The following PTK2 variants were observed in gnomAD, a reference collection of about 807,000 sequenced individuals.
The protein encoded by PTK2 is focal adhesion kinase 1.
PTK2 carries 45 observed loss-of-function variants against 150.1 expected under a neutral mutation model. The ratio of observed to expected loss-of-function variants is 0.30; its 90% CI spans 0.24 to 0.38. PTK2 has a LOEUF of 0.38. Among genes scored for constraint, PTK2 ranks in the 10% least tolerant of loss-of-function variants. The pLI is 1.00. For missense variants in PTK2, 919 were observed against 1,307.3 expected (o/e 0.70, Z 4.58); for synonymous variants, 432 against 449.2 (o/e 0.96, Z 0.48).
chr8:140,706,524 G>A (rs1401088622), intron 23 of PTK2, among the ~76,000 whole-genome samples: 1 of 152,172 alleles, frequency 6.6e-6, no homozygotes, highest in Non-Finnish European at 1.5e-5. Context: ...GTATATCTTG[G>A]GCAGGGCATG....
rs1425792666 is a variant in PTK2, at chr8:140,983,766, A to C, written c.-122+17359T>G. The C allele has an allele frequency of 2.0e-5, 3 of 152,260 alleles. No homozygotes were observed. In the East Asian group the frequency reaches 5.8e-4, roughly 29 times the overall value. The allele number at this position is 152,260 out of a possible 1,614,324, so 9.4% of individuals were successfully genotyped here. On this transcript the variant is annotated intron_variant, in intron 1 of 31. Transcript: ENST00000522684. ...GGAGGTGCAATTTTACAAACTGAGC[A>C]AAGATGCAGGGAAGACTCAGCACTT...
intron 2 of PTK2, among the ~76,000 whole-genome samples, chr8:140,911,194 T>C (rs1484975756): frequency 1.3e-5 from 2 of 152,152 alleles, no homozygotes; most frequent in South Asian, 4.1e-4. Flanking sequence ...CCCAGCACTT[T>C]CTTTTTTATT....
chr8:140,819,838 G>A (rs531193567), intron 8 of PTK2, among the ~76,000 whole-genome samples: 8 of 152,170 alleles, frequency 5.3e-5, no homozygotes, highest in African/African-American at 1.9e-4. Context: ...GCTTATTTGA[G>A]TTTTCTACTT....
intron 10 of PTK2, among the ~76,000 whole-genome samples, 180 bp downstream of exon 10, chr8:140,818,097 C>T (rs940740489): frequency 4.6e-5 from 7 of 152,152 alleles, no homozygotes; most frequent in Non-Finnish European, 7.3e-5. Context: ...TAAGTAATTC[C>T]GAGGTATTTC....
chr8:140,769,501 T>C (rs2100074348), intron 14 of PTK2, 74 bp downstream of exon 16: 1 of 1,080,634 alleles, frequency 9.3e-7, no homozygotes, highest in South Asian at 1.5e-5. Flanking sequence ...TGCCTTTCAT[T>C]AAATACTAAA....
intron 22 of PTK2, among the ~76,000 whole-genome samples, chr8:140,734,515 G>A (rs926008375): frequency 3.3e-5 from 5 of 152,058 alleles, no homozygotes; most frequent in East Asian, 1.9e-4. Flanking sequence ...ATGCACAAGC[G>A]AACAAGAACC....
At chr8:140,802,257 T>C (rs879694145) in intron 11 of PTK2, among the ~76,000 whole-genome samples, 5 of 152,084 alleles carry the variant, frequency 3.3e-5, no homozygotes, top group Non-Finnish European at 5.9e-5. Context: ...CTCTTGACCC[T>C]GTGTAGGCCT....
At chr8:140,813,953 T>A (rs1168451266) in intron 10 of PTK2, among the ~76,000 whole-genome samples, 1 of 151,474 alleles carries the variant, frequency 6.6e-6, no homozygotes, top group Non-Finnish European at 1.5e-5. Flanking sequence ...TAAACACAAC[T>A]AGAAATGAAA....
chr8:140,695,876 G>A lies in PTK2; in HGVS notation c.2499+5015C>T, dbSNP rs567392530. Reference sequence around the variant, plus strand: ...TGCAGTTCTCTAGTCCTGGGGAACTGAATTTTAAAAGGTCCCCTGTGACTT... The same window carrying A: ...TGCAGTTCTCTAGTCCTGGGGAACTAAATTTTAAAAGGTCCCCTGTGACTT... On this transcript the variant is annotated intron_variant, in intron 26 of 31. Transcript: ENST00000522684. Among the ~76,000 whole-genome samples, 16 of 152,240 alleles carry A rather than the reference G, an allele frequency of 1.1e-4. No homozygotes were observed. In the East Asian group the frequency reaches 2.3e-3, roughly 22 times the overall value.
chr8:140,733,172 C>A (rs1456085202), intron 22 of PTK2, among the ~76,000 whole-genome samples: 1 of 152,096 alleles, frequency 6.6e-6, no homozygotes, highest in South Asian at 2.1e-4. Flanking sequence ...AGGAGTGAAG[C>A]ATGACTCCAA....
intron 1 of PTK2, among the ~76,000 whole-genome samples, chr8:140,966,636 ATAAAAT>A (rs1282435135): frequency 1.3e-5 from 2 of 152,240 alleles, no homozygotes; most frequent in Non-Finnish European, 2.9e-5. Context: ...TTCTCAAATT[ATAAAAT>A]TAAAAGTCTT....
In PTK2 at chr8:140,749,093, G is replaced by C. The variant is rs1174844807; in HGVS notation, c.1418-2233C>G. ...ACAATATTAGTGGGTGTTCTGTCTA[G>C]CTCACTTATGTGTTTTACAAGTTTT... On this transcript the variant is annotated intron_variant, in intron 17 of 31. Coordinates refer to ENST00000522684, the Ensembl canonical transcript of PTK2. Among the ~76,000 whole-genome samples the C allele has an allele frequency of 3.9e-5, 6 of 152,172 alleles. No individual in the cohort carries two copies. The South Asian group carries it at 1.2e-3, about 31-fold the overall frequency.
chr8:140,898,909 T>C (rs2100157374), intron 2 of PTK2, among the ~76,000 whole-genome samples: 1 of 152,132 alleles, frequency 6.6e-6, no homozygotes. Context: ...GGAATGCAAA[T>C]TGAGACAGCT....
intron 27 of PTK2, among the ~76,000 whole-genome samples, chr8:140,685,605 T>C (rs1010049580): frequency 7.9e-5 from 12 of 152,108 alleles, no homozygotes; most frequent in African/African-American, 2.9e-4. Flanking sequence ...TTTCAAAAGA[T>C]GACATAAACA....
intron 17 of PTK2, 107 bp downstream of exon 20, chr8:140,752,125 T>C (rs2100063067): frequency 6.5e-6 from 6 of 929,422 alleles, no homozygotes; most frequent in South Asian, 4.3e-5. Flanking sequence ...ATAAACATAG[T>C]TGTCTCCTAA....
chr8:140,946,982 T>A (rs2100177917), intron 1 of PTK2, among the ~76,000 whole-genome samples: 1 of 152,230 alleles, frequency 6.6e-6, no homozygotes, highest in South Asian at 2.1e-4. Context: ...AAAAAGTCCA[T>A]TTCATGATTC....
intron 3 of PTK2, among the ~76,000 whole-genome samples, chr8:140,887,656 C>G (rs2100152790): frequency 6.6e-6 from 1 of 151,956 alleles, no homozygotes; most frequent in Admixed American, 6.6e-5. Flanking sequence ...AAATATAATG[C>G]AAGCCACATA....
intron 2 of PTK2, among the ~76,000 whole-genome samples, chr8:140,916,340 C>T (rs1489917061): frequency 1.3e-5 from 2 of 152,174 alleles, no homozygotes; most frequent in East Asian, 1.9e-4. Context: ...CTCGTAGGCA[C>T]GAAGAACTGG....
At chr8:140,988,746 A>T (rs1031186259) in intron 1 of PTK2, among the ~76,000 whole-genome samples, 14 of 151,554 alleles carry the variant, frequency 9.2e-5, no homozygotes, top group African/African-American at 2.9e-4. Context: ...AAAAAAAAAA[A>T]AAAAAGACAC....
Sources: gnomAD v4.1 joint callset for allele counts (sites outside exome capture counted in the v4.1 genomes callset) on GRCh38, gnomAD v4.1.1 for gene constraint, MANE v1.5 for transcripts, NCBI Gene and HGNC (gene_info 2026-07-23, HGNC 2026-07-21) for gene names.